ANKRD12: variants seen among roughly 807,000 people sequenced by gnomAD.
ANKRD12 encodes the protein ankyrin repeat domain 12.
Under a neutral mutation model 183.4 loss-of-function variants are expected in ANKRD12, and 85 were observed. The ratio of observed to expected loss-of-function variants is 0.46; its 90% CI spans 0.39 to 0.56. The LOEUF (loss-of-function observed/expected upper bound fraction) is 0.56. Ranked by LOEUF, ANKRD12 falls within the 20% of genes least tolerant of loss-of-function variation. The pLI is 0.00. For synonymous variants in ANKRD12, 914 were observed against 800.2 expected, an observed-to-expected ratio of 1.14 and a Z score of -2.40; for missense variants, 2,405 against 2,357.1, an observed-to-expected ratio of 1.02 and a Z score of -0.42.
intron 11 of ANKRD12, among the ~76,000 whole-genome samples, chr18:9,278,301 C>G (rs1035996138): frequency 2.0e-5 from 3 of 152,174 alleles, no homozygotes; most frequent in Admixed American, 6.5e-5. Flanking sequence ...AAAAAGTCTA[C>G]TTTTCTTTGG....
At chr18:9,215,009 A>G (rs1410702300) in intron 6 of ANKRD12, among the ~76,000 whole-genome samples, 1 of 152,146 alleles carries the variant, frequency 6.6e-6, no homozygotes, top group Non-Finnish European at 1.5e-5. Flanking sequence ...TGGTTTAATA[A>G]TTTTAGAACA....
At chr18:9,277,974 C>CTGA (rs2039932638) in intron 11 of ANKRD12, among the ~76,000 whole-genome samples, 1 of 152,200 alleles carries the variant, frequency 6.6e-6, no homozygotes, top group African/African-American at 2.4e-5. Flanking sequence ...ATTAAGCTTG[C>CTGA]TGAGATCCTT....
At chr18:9,156,627 C>A (rs2030500950) in intron 1 of ANKRD12, among the ~76,000 whole-genome samples, 1 of 152,086 alleles carries the variant, frequency 6.6e-6, no homozygotes, top group African/African-American at 2.4e-5. Context: ...AAGGATTTAT[C>A]AAGAAAACTA....
At chr18:9,235,147 TAA>T (rs1264933306) in intron 8 of ANKRD12, among the ~76,000 whole-genome samples, 1 of 152,184 alleles carries the variant, frequency 6.6e-6, no homozygotes, top group African/African-American at 2.4e-5. Flanking sequence ...TTCTTTATGA[TAA>T]GTTAAAAAAT....
chr18:9,278,246 A>G (rs1239230326), intron 11 of ANKRD12, among the ~76,000 whole-genome samples: 1 of 142,224 alleles, frequency 7.0e-6, no homozygotes, highest in Non-Finnish European at 1.5e-5. Flanking sequence ...CTCAAGTAGC[A>G]TGCGTTATTT....
At chr18:9,145,926 G>T (rs918512680) in intron 1 of ANKRD12, among the ~76,000 whole-genome samples, 1 of 152,178 alleles carries the variant, frequency 6.6e-6, no homozygotes, top group African/African-American at 2.4e-5. Flanking sequence ...GCAAGAAGAG[G>T]TAATTACCTA....
intron 8 of ANKRD12, among the ~76,000 whole-genome samples, chr18:9,223,624 A>G (rs2036547059): frequency 6.6e-6 from 1 of 152,190 alleles, no homozygotes; most frequent in East Asian, 1.9e-4. Flanking sequence ...CTTCTTAATT[A>G]AATGTAGCTT....
At chr18:9,151,205 C>A (rs1240149416) in intron 1 of ANKRD12, among the ~76,000 whole-genome samples, 1 of 152,068 alleles carries the variant, frequency 6.6e-6, no homozygotes, top group Admixed American at 6.6e-5. Flanking sequence ...TGTTTCGAGG[C>A]TTTTTCCAGT....
intron 1 of ANKRD12, among the ~76,000 whole-genome samples, chr18:9,176,825 T>C (rs761395789): frequency 1.4e-4 from 22 of 152,134 alleles, no homozygotes; most frequent in African/African-American, 2.7e-4. Context: ...CAAGTAGTTA[T>C]GCCATTTAAA....
Position 9,255,474 on chromosome 18 carries a change from C to A in ANKRD12, c.2207C>A (p.Thr736Asn). Residue 736 changes from threonine (T) to asparagine (N), a missense_variant, in exon 9 of 13, where the codon ACC becomes AAC. Thr to Asn is a moderately conservative substitution (Grantham distance 65). Around this residue, in one of 7 missense-constraint regions of ANKRD12, gnomAD observed 1,983 missense variants for 1,725.9 expected, o/e 1.15. Transcript: ENST00000262126. ...LEKNIKDDKS[T>N]KEKHVSKERN... ...AAAAACATCAAAGATGATAAATCAACCAAGGAAAAGCATGTGTCAAAAGAG... is the reference window on the plus strand; with the variant it reads ...AAAAACATCAAAGATGATAAATCAAACAAGGAAAAGCATGTGTCAAAAGAG... 4.5e-6 allele frequency: 7 copies of A among 1,552,496 alleles called. No homozygotes were observed. The highest frequency in any genetic ancestry group is 2.5e-5 in the South Asian group (2 of 79,454).
intron 1 of ANKRD12, among the ~76,000 whole-genome samples, chr18:9,160,512 A>G (rs1412735885): frequency 4.6e-5 from 7 of 152,244 alleles, no homozygotes; most frequent in South Asian, 4.1e-4. Flanking sequence ...GTCATCGCCC[A>G]AAGGAAACCC....
At chr18:9,246,745 C>CT (rs1567960626) in intron 8 of ANKRD12, among the ~76,000 whole-genome samples, 1 of 152,184 alleles carries the variant, frequency 6.6e-6, no homozygotes, top group African/African-American at 2.4e-5. Context: ...ACATTCGTCT[C>CT]TTTTTTGTAG....
intron 7 of ANKRD12, among the ~76,000 whole-genome samples, 183 bp from the exon 8 acceptor site, chr18:9,221,669 A>T (rs977133950): frequency 2.0e-5 from 3 of 152,174 alleles, no homozygotes; most frequent in Non-Finnish European, 2.9e-5. Flanking sequence ...TGAGGTTATC[A>T]GATAGGGGAG....
chr18:9,183,596 T>A (rs1038448336), intron 2 of ANKRD12, among the ~76,000 whole-genome samples: 18 of 152,232 alleles, frequency 1.2e-4, no homozygotes, highest in African/African-American at 4.3e-4. Flanking sequence ...CTTACTCAAT[T>A]ATTAGTTCTA....
chr18:9,254,187 C>T (rs189312118), intron 8 of ANKRD12, 24 bp from the exon 9 acceptor site: 1 of 1,464,054 alleles, frequency 6.8e-7, no homozygotes, highest in Admixed American at 2.6e-5. Flanking sequence ...TGACCCACAC[C>T]ACATTTTCTT....
chr18:9,252,888 G>A (rs937565581), intron 8 of ANKRD12, among the ~76,000 whole-genome samples: 4 of 152,054 alleles, frequency 2.6e-5, no homozygotes, highest in African/African-American at 9.7e-5. Flanking sequence ...GTCAGTTTTG[G>A]ATTAAAGGAT....
chr18:9,261,198 CT>C (rs1195368999), intron 9 of ANKRD12, among the ~76,000 whole-genome samples: 2 of 152,204 alleles, frequency 1.3e-5, no homozygotes, highest in African/African-American at 4.8e-5. Context: ...GCTGTCAGAC[CT>C]TTCATGGTTC....
chr18:9,235,848 T>G (rs2037316067), intron 8 of ANKRD12: 2 of 333,960 alleles, frequency 6.0e-6, no homozygotes, highest in Non-Finnish European at 6.0e-6. Flanking sequence ...TGGGCAAGAC[T>G]GAGAAATATG....
intron 3 of ANKRD12, among the ~76,000 whole-genome samples, chr18:9,201,390 A>C (rs1185156216): frequency 3.9e-5 from 6 of 152,220 alleles, no homozygotes; most frequent in Admixed American, 3.9e-4. Context: ...TTGAGGCTAC[A>C]TGTGAGAGAG....
Sources: allele counts gnomAD v4.1 joint callset (sites outside exome capture counted in the v4.1 genomes callset), GRCh38; gene constraint gnomAD v4.1.1; regional missense constraint gnomAD v4.1.1; transcripts MANE v1.5; gene names NCBI Gene and HGNC (gene_info 2026-07-23, HGNC 2026-07-21).